The following HSPA12A variants were observed in gnomAD, a reference collection of about 807,000 sequenced individuals.
The protein encoded by HSPA12A is heat shock protein family A (Hsp70) member 12A, also known as heat shock 70 kDa protein 12A.
In HSPA12A, 28 loss-of-function variants were observed where a neutral mutation model predicts 69.2. The ratio of observed to expected loss-of-function variants is 0.40; its 90% CI spans 0.30 to 0.55. The LOEUF (loss-of-function observed/expected upper bound fraction) is 0.55, where lower values mean the gene tolerates loss of function less well. Ranked by LOEUF, HSPA12A falls within the 20% of genes least tolerant of loss-of-function variation. The pLI is 0.38. For missense variants in HSPA12A, 686 were observed against 900.7 expected (o/e 0.76, Z 3.05); for synonymous variants, 345 against 370.5 (o/e 0.93, Z 0.79).
intron 6 of HSPA12A, among the ~76,000 whole-genome samples, chr10:116,689,151 C>T (rs1229059197): frequency 6.6e-6 from 1 of 152,130 alleles, no homozygotes; most frequent in Non-Finnish European, 1.5e-5. Context: ...GAACTCCAGA[C>T]CTGCTCCTCA....
At chr10:116,782,195 T>C (rs923083271) in intron 2 of HSPA12A, among the ~76,000 whole-genome samples, 2 of 152,178 alleles carry the variant, frequency 1.3e-5, no homozygotes, top group Non-Finnish European at 2.9e-5. Context: ...TTGTGCTCAC[T>C]AGATGGACAA....
chr10:116,824,957 G>A (rs1845474930), intron 2 of HSPA12A, among the ~76,000 whole-genome samples: 1 of 151,222 alleles, frequency 6.6e-6, no homozygotes, highest in African/African-American at 2.4e-5. Flanking sequence ...GAAGGCCGAG[G>A]CAGGCAGATC....
chr10:116,726,859 C>T (rs1554885098), intron 1 of HSPA12A, among the ~76,000 whole-genome samples: 2 of 152,230 alleles, frequency 1.3e-5, no homozygotes, highest in African/African-American at 4.8e-5. Context: ...CTATTTCTCA[C>T]TGTGATAATC....
At chr10:116,836,766 CG>C in intron 1 of HSPA12A, among the ~76,000 whole-genome samples, 1 of 132,118 alleles carries the variant, frequency 7.6e-6, no homozygotes, top group Non-Finnish European at 1.6e-5. Context: ...GTAAACGAAC[CG>C]AACACACACA....
chr10:116,784,004 CATTTAT>C, intron 2 of HSPA12A, among the ~76,000 whole-genome samples: 1 of 152,178 alleles, frequency 6.6e-6, no homozygotes, highest in South Asian at 2.1e-4. Flanking sequence ...ATGCCCAGCC[CATTTAT>C]GGTTTTTAAA....
At chr10:116,742,789 G>A (rs1851559537), upstream of HSPA12A, among the ~76,000 whole-genome samples, 1 of 151,856 alleles carries the variant, frequency 6.6e-6, no homozygotes, top group South Asian at 2.1e-4. Context: ...TCCCGGCTTC[G>A]GGACCGAGCG....
intron 6 of HSPA12A, among the ~76,000 whole-genome samples, chr10:116,685,089 GCTGA>G (rs1554879341): frequency 3.3e-5 from 5 of 152,190 alleles, no homozygotes; most frequent in African/African-American, 1.2e-4. Context: ...CTGCCGTGGT[GCTGA>G]CTTTTTGCCA....
At chr10:116,700,179 T>A (rs1371261721) in intron 4 of HSPA12A, among the ~76,000 whole-genome samples, 2 of 152,244 alleles carry the variant, frequency 1.3e-5, no homozygotes, top group African/African-American at 2.4e-5. Context: ...AGTGACCAGA[T>A]TGAAACCCAG....
At chr10:116,828,393 C>A (rs1374258513) in intron 2 of HSPA12A, among the ~76,000 whole-genome samples, 1 of 152,174 alleles carries the variant, frequency 6.6e-6, no homozygotes, top group Non-Finnish European at 1.5e-5. Flanking sequence ...AGGCATGGCC[C>A]TGGCAAAGCT....
chr10:116,844,961 A>G (rs889684420), intron 1 of HSPA12A, among the ~76,000 whole-genome samples: 4 of 152,208 alleles, frequency 2.6e-5, no homozygotes, highest in Admixed American at 6.5e-5. Context: ...AACTTCCTCT[A>G]TGAAGGGTCT....
At chr10:116,849,523 T>C (rs1305647867) in intron 1 of HSPA12A, 1 of 1,458,638 alleles carries the variant, frequency 6.9e-7, no homozygotes, top group Admixed American at 2.5e-5. Flanking sequence ...GGGACGCTCG[T>C]GGGACCCCAG....
intron 1 of HSPA12A, among the ~76,000 whole-genome samples, chr10:116,839,160 T>G (rs1845764223): frequency 6.6e-6 from 1 of 152,216 alleles, no homozygotes; most frequent in African/African-American, 2.4e-5. Flanking sequence ...TGAACTTTGT[T>G]TTATAGCTCC....
intron 2 of HSPA12A, among the ~76,000 whole-genome samples, chr10:116,784,150 T>C (rs1310303600): frequency 6.6e-6 from 1 of 152,272 alleles, no homozygotes; most frequent in Non-Finnish European, 1.5e-5. Flanking sequence ...TGACTGGCCA[T>C]GTGCTTGCCA....
intron 2 of HSPA12A, among the ~76,000 whole-genome samples, chr10:116,750,894 G>A (rs755106408): frequency 6.6e-6 from 1 of 152,052 alleles, no homozygotes; most frequent in Non-Finnish European, 1.5e-5. Flanking sequence ...GATCGCTTTA[G>A]CCTCGGAGGT....
At position 116,699,190 on chromosome 10, in the gene HSPA12A, C is replaced by T. The variant is rs538041693; in HGVS notation, c.442-451G>A. Among the ~76,000 whole-genome samples the T allele has an allele frequency of 2.6e-5, 4 of 152,308 alleles. No homozygotes were observed. The East Asian group carries it at 7.7e-4, about 29-fold the overall frequency. On this transcript the variant is annotated intron_variant, in intron 4 of 11. Coordinates refer to ENST00000369209, the MANE Select transcript of HSPA12A (RefSeq NM_025015.3). Reference sequence around the variant, plus strand: ...CATCCACGATGCTAAACAGACGAAGCTTTCATTCCCCATTACGCTGCCAAC... The same window carrying T: ...CATCCACGATGCTAAACAGACGAAGTTTTCATTCCCCATTACGCTGCCAAC...
chr10:116,832,292 C>G (rs1845633100), intron 2 of HSPA12A: 1 of 152,242 alleles, frequency 6.6e-6, no homozygotes, highest in Non-Finnish European at 1.5e-5. Context: ...CTCAGCCTCC[C>G]AACTAGCTGG....
intron 2 of HSPA12A, among the ~76,000 whole-genome samples, chr10:116,818,230 T>C (rs1402745752): frequency 6.6e-6 from 1 of 152,180 alleles, no homozygotes; most frequent in Non-Finnish European, 1.5e-5. Context: ...ATGAGCTTGG[T>C]CACAATCAGG....
At chr10:116,732,703 T>A in intron 1 of HSPA12A, among the ~76,000 whole-genome samples, 1 of 152,190 alleles carries the variant, frequency 6.6e-6, no homozygotes, top group East Asian at 1.9e-4. Context: ...TAAGCATTCT[T>A]CAAATACTTT....
At chr10:116,803,603 C>T (rs1845006648) in intron 2 of HSPA12A, among the ~76,000 whole-genome samples, 1 of 152,216 alleles carries the variant, frequency 6.6e-6, no homozygotes, top group Non-Finnish European at 1.5e-5. Context: ...GAGATGCGCT[C>T]TTCCACCAGA....
Sources: allele counts gnomAD v4.1 joint callset (sites outside exome capture counted in the v4.1 genomes callset), GRCh38; gene constraint gnomAD v4.1.1; transcripts MANE v1.5; gene names NCBI Gene and HGNC (gene_info 2026-07-23, HGNC 2026-07-21).